Variants in ZNF304 observed in about 807,000 individuals in gnomAD.
The protein encoded by ZNF304 is zinc finger protein 304, also known as KRAB-containing zinc finger protein.
In ZNF304, 7 loss-of-function variants were observed where a neutral mutation model predicts 7.8. The ratio of observed to expected loss-of-function variants is 0.90; its 90% confidence interval spans 0.51 to 1.69. The LOEUF is 1.69. Ranked by LOEUF, ZNF304 falls within the 40% of genes most tolerant of loss-of-function variation. ZNF304 has a pLI of 0.00. For missense variants in ZNF304, 669 were observed against 804.8 expected (o/e 0.83, Z 2.04); for synonymous variants, 280 against 272.4 (o/e 1.03, Z -0.27).
chr19:57,357,574 A>G lies in ZNF304; in HGVS notation c.1705A>G (p.Ile569Val). 3.1e-6 allele frequency: 5 copies of G among 1,613,968 alleles called. No individual in the cohort carries two copies. The highest frequency in any genetic ancestry group is 1.3e-5 in the African/African-American group (1 of 74,950). Residue 569 changes from isoleucine (I) to valine (V), a missense_variant, in exon 3 of 3, where the codon ATT becomes GTT. Transcript: ENST00000282286. ...GTGCAGTGAATGTGGGAAGGCTTAC[A>G]TTAGTAGCTCCCACCTTGTTCAACA... is the stretch of plus-strand genomic sequence containing the variant. ...YVCSECGKAY[I>V]SSSHLVQHKK...
In ZNF304 at chr19:57,356,836, G is replaced by C; in HGVS notation, c.967G>C (p.Val323Leu). Residue 323 changes from valine (V) to leucine (L), a missense_variant, in exon 3 of 3, where the codon GTT becomes CTT. By Grantham distance (32) the Val-to-Leu change is conservative. Transcript: ENST00000282286. ...GGCCTTCAGCCGCAAGGACACACTT[G>C]TTCAGCATCAGAGAGTTCACACTGG... ...GKAFSRKDTL[V>L]QHQRVHTGER... 1 of 1,614,182 alleles carries C rather than the reference G, an allele frequency of 6.2e-7. No individual in the cohort carries two copies. Among genetic ancestry groups the C allele is most frequent in the East Asian group, 2.2e-5 (1 of 44,866 alleles).
At position 57,357,247 on chromosome 19, in the gene ZNF304, G is replaced by A. The variant is rs1291421592; in HGVS notation, c.1378G>A (p.Asp460Asn). 1 of 1,613,676 alleles carries A rather than the reference G, an allele frequency of 6.2e-7. No individual in the cohort carries two copies. Among genetic ancestry groups the A allele is most frequent in the Non-Finnish European group, 8.5e-7 (1 of 1,179,894 alleles). Reference sequence around the variant, plus strand: ...ATGTGGGAAGGCCTTTGGCTGCAAAGACACACTTGTTCAGCACCAGATAAT... The same window carrying A: ...ATGTGGGAAGGCCTTTGGCTGCAAAAACACACTTGTTCAGCACCAGATAAT... Reference protein sequence around the residue: ...SKCGKAFGCKDTLVQHQIIHT... With the variant: ...SKCGKAFGCKNTLVQHQIIHT... The change falls in exon 3 of 3, where the codon GAC becomes AAC. Residue 460 changes from aspartate (D) to asparagine (N), a missense_variant. Transcript: ENST00000282286.
At position 57,356,030 on chromosome 19, in the gene ZNF304, GT is replaced by G; in HGVS notation, c.166del (p.Trp56GlyfsTer16). ...LENFALVATL[G>X]FWCEAEHEAP... is the part of the protein sequence containing the mutation. ...TTCACCAGCTCTTTTTTGCTTTCAG[GT>G]TTTTGGTGTGAAGCAGAACATGAGG... On this transcript the variant is annotated frameshift_variant and splice_region_variant, in exon 3 of 3. Transcript: ENST00000282286. LOFTEE classifies it low-confidence loss of function (END_TRUNC). The G allele has an allele frequency of 1.3e-6, 2 of 1,589,278 alleles. No homozygotes were observed. Among genetic ancestry groups the G allele is most frequent in the Non-Finnish European group, 1.7e-6 (2 of 1,166,820 alleles).
chr19:57,356,087 G>C lies in ZNF304; in HGVS notation c.218G>C (p.Gly73Ala), dbSNP rs758157079. The C allele has an allele frequency of 1.6e-5, 26 of 1,614,074 alleles. No homozygotes were observed. Among genetic ancestry groups the C allele is most frequent in the Non-Finnish European group, 5.1e-6 (6 of 1,180,020 alleles). Residue 73 changes from glycine (G) to alanine (A), a missense_variant, in exon 3 of 3, where the codon GGA becomes GCA. By Grantham distance (60) the Gly-to-Ala change is moderately conservative. Coordinates refer to ENST00000282286, the MANE Select transcript of ZNF304 (RefSeq NM_020657.4). ...TCTGAGCAGAGCGTTTCTGTAGAAG[G>C]AGTGTCACAGGTCAGGACTGCTGAG... ...APSEQSVSVE[G>A]VSQVRTAESG... is the part of the protein sequence containing the mutation.
chr19:57,351,812 C>G lies in ZNF304; in HGVS notation c.33+115C>G. On this transcript the variant is annotated intron_variant, in intron 1 of 2. Transcript: ENST00000282286. The surrounding 1 kb of genome is among the most constrained non-coding windows in gnomAD (Gnocchi z 4.1). ...CGTCGCATTATGTGGAGGGGTTCCG[C>G]TCCCCTCATCAGTGGCATAAGGTGT... is the stretch of plus-strand genomic sequence containing the variant. The G allele has an allele frequency of 1.7e-6, 2 of 1,179,788 alleles. No homozygotes were observed. The highest frequency in any genetic ancestry group is 2.4e-6 in the Non-Finnish European group (2 of 835,914). The allele number at this position is 1,179,788 out of a possible 1,614,324, so 73.1% of individuals were successfully genotyped here.
chr19:57,351,563 A>T lies in ZNF304; in HGVS notation c.-102A>T. On this transcript the variant is annotated 5_prime_UTR_variant, in exon 1 of 3. Coordinates refer to ENST00000282286, the MANE Select transcript of ZNF304 (RefSeq NM_020657.4). The surrounding 1 kb of genome is among the most constrained non-coding windows in gnomAD (Gnocchi z 4.1). Reference sequence around the variant, plus strand: ...TTGTGAGCGTTTTTACACCGGGTAGATTGAGACTTGGAGTGCTACACTCAG... The same window carrying T: ...TTGTGAGCGTTTTTACACCGGGTAGTTTGAGACTTGGAGTGCTACACTCAG... The T allele has an allele frequency of 1.4e-6, 2 of 1,435,652 alleles. No individual in the cohort carries two copies. Among genetic ancestry groups the T allele is most frequent in the Non-Finnish European group, 1.9e-6 (2 of 1,028,198 alleles). The allele number at this position is 1,435,652 out of a possible 1,614,324, so 88.9% of individuals were successfully genotyped here. A position where few individuals can be genotyped will look rare whatever the true frequency, so the allele number is the denominator to read the frequency against.
intron 2 of ZNF304, chr19:57,355,325 G>A: frequency 1.3e-6 from 1 of 765,310 alleles, no homozygotes; most frequent in Non-Finnish European, 2.4e-6. Context: ...AGAAAACCTT[G>A]GGTGCCTGAC....
rs1002646671 is a variant in ZNF304, at chr19:57,351,605, G to T, written c.-60G>T. ...TACACTCAGCCCGAGGGCGTCCAGC[G>T]CGGTGGAGGCGTGGGGTTTCGGCTG... is the stretch of plus-strand genomic sequence containing the variant. On this transcript the variant is annotated 5_prime_UTR_variant, in exon 1 of 3. Coordinates refer to ENST00000282286, the MANE Select transcript of ZNF304 (RefSeq NM_020657.4). The surrounding 1 kb of genome is among the most constrained non-coding windows in gnomAD (Gnocchi z 4.1). 5.0e-6 allele frequency: 8 copies of T among 1,605,994 alleles called. No individual in the cohort carries two copies. Among genetic ancestry groups the T allele is most frequent in the South Asian group, 2.2e-5 (2 of 90,956 alleles).
Position 57,358,365 on chromosome 19 carries a change from A to G in ZNF304, c.*516A>G, listed in dbSNP as rs1468083109. 1 of 152,952 alleles carries G rather than the reference A, an allele frequency of 6.5e-6. No homozygotes were observed. Among genetic ancestry groups the G allele is most frequent in the Non-Finnish European group, 1.4e-5 (1 of 69,148 alleles). The allele number at this position is 152,952 out of a possible 1,614,324, so 9.5% of individuals were successfully genotyped here. ...CTAGGGTCTGCTGGGATTTCCTGAC[A>G]CGATTTTCCATCTTCATGGACAATG... On this transcript the variant is annotated 3_prime_UTR_variant, in exon 3 of 3. Coordinates refer to ENST00000282286, the MANE Select transcript of ZNF304 (RefSeq NM_020657.4).
chr19:57,356,373 G>T lies in ZNF304; in HGVS notation c.504G>T (p.Thr168=), dbSNP rs369435454. ...CTVHMLGRSF[T]CREEGMDLPD... is the part of the protein sequence containing the mutation. ...TCCACATGTTAGGGAGATCCTTTAC[G>T]TGCAGGGAGGAAGGGATGGACTTAC... Residue 168 remains threonine (T), a synonymous_variant, in exon 3 of 3, where the codon ACG becomes ACT. Transcript: ENST00000282286. 4 of 1,614,182 alleles carry T rather than the reference G, an allele frequency of 2.5e-6. No individual in the cohort carries two copies. The highest frequency in any genetic ancestry group is 2.2e-5 in the East Asian group (1 of 44,888).
rs912788383 is a variant in ZNF304 at position 57,358,051 on chromosome 19, G to A, written c.*202G>A. The A allele has an allele frequency of 1.8e-5, 11 of 622,500 alleles. No homozygotes were observed. In the South Asian group the frequency reaches 2.1e-4, roughly 12 times the overall value. 38.6% of individuals were successfully genotyped at this position (622,500 alleles called of 1,614,324 possible). On this transcript the variant is annotated 3_prime_UTR_variant, in exon 3 of 3. Coordinates refer to ENST00000282286, the MANE Select transcript of ZNF304 (RefSeq NM_020657.4). ...CCACATATGTGGGAGGCTTTCATGAGGTGTGTTGCACTTTGTAACTGTCTA... is the reference window on the plus strand; with the variant it reads ...CCACATATGTGGGAGGCTTTCATGAAGTGTGTTGCACTTTGTAACTGTCTA...
At chr19:57,355,902 TG>T in intron 2 of ZNF304, 127 bp from the exon 3 acceptor site, 1 of 1,076,318 alleles carries the variant, frequency 9.3e-7, no homozygotes, top group East Asian at 2.4e-5. Flanking sequence ...TTCTTTACAC[TG>T]ATCCTGGCCC....
chr19:57,356,385 A>G lies in ZNF304; in HGVS notation c.516A>G (p.Glu172=), dbSNP rs1181372898. ...GGAGATCCTTTACGTGCAGGGAGGA[A>G]GGGATGGACTTACCAGATAGCTCTG... ...MLGRSFTCRE[E]GMDLPDSSGL... Residue 172 remains glutamate, a synonymous_variant, in exon 3 of 3, where the codon GAA becomes GAG. Coordinates refer to ENST00000282286, the MANE Select transcript of ZNF304 (RefSeq NM_020657.4). 1 of 1,614,086 alleles carries G rather than the reference A, an allele frequency of 6.2e-7. No individual in the cohort carries two copies. Among genetic ancestry groups the G allele is most frequent in the Non-Finnish European group, 8.5e-7 (1 of 1,180,040 alleles).
intron 1 of ZNF304, among the ~76,000 whole-genome samples, 163 bp from the exon 2 acceptor site, chr19:57,353,559 TGAG>T (rs920586431): frequency 6.6e-6 from 1 of 152,144 alleles, no homozygotes; most frequent in African/African-American, 2.4e-5. Context: ...GAGAGGGACA[TGAG>T]GAGAGAGCAG....
rs777417590 is a variant in ZNF304, at chr19:57,356,088, A to G, written c.219A>G (p.Gly73=). The G allele has an allele frequency of 1.6e-5, 26 of 1,614,074 alleles. No homozygotes were observed. In the East Asian group the frequency reaches 5.3e-4, roughly 33 times the overall value. The part of the protein sequence containing the change: ...APSEQSVSVE[G]VSQVRTAESG... Reference sequence around the variant, plus strand: ...CTGAGCAGAGCGTTTCTGTAGAAGGAGTGTCACAGGTCAGGACTGCTGAGT... The same window carrying G: ...CTGAGCAGAGCGTTTCTGTAGAAGGGGTGTCACAGGTCAGGACTGCTGAGT... Residue 73 remains glycine, a synonymous_variant, in exon 3 of 3, where the codon GGA becomes GGG. Transcript: ENST00000282286.
chr19:57,358,058 T>G lies in ZNF304; in HGVS notation c.*209T>G, dbSNP rs2088371990. 3 of 604,844 alleles carry G rather than the reference T, an allele frequency of 5.0e-6. No individual in the cohort carries two copies. The highest frequency in any genetic ancestry group is 8.4e-6 in the Non-Finnish European group (3 of 356,560). 37.5% of individuals were successfully genotyped at this position (604,844 alleles called of 1,614,324 possible). A position where few individuals can be genotyped will look rare whatever the true frequency, so the allele number is the denominator to read the frequency against. ...TGTGGGAGGCTTTCATGAGGTGTGT[T>G]GCACTTTGTAACTGTCTAGAGCTCT... On this transcript the variant is annotated 3_prime_UTR_variant, in exon 3 of 3. Transcript: ENST00000282286.
chr19:57,351,739 T>A lies in ZNF304; in HGVS notation c.33+42T>A. ...CTCAAGCGCACCCCGGCCTGGTTGG[T>A]GTGTCCTGGGATGTTCGCTCTCATC... On this transcript the variant is annotated intron_variant, in intron 1 of 2. Transcript: ENST00000282286. This position sits in a 1 kb window ranked among gnomAD's most constrained non-coding sequence, Gnocchi z 4.1. 6.3e-7 allele frequency: 1 copy of A among 1,598,706 alleles called. No homozygotes were observed. The highest frequency in any genetic ancestry group is 8.5e-7 in the Non-Finnish European group (1 of 1,171,840).
intron 2 of ZNF304, among the ~76,000 whole-genome samples, chr19:57,354,363 C>T (rs2088311174): frequency 6.6e-6 from 1 of 152,186 alleles, no homozygotes. Context: ...ATCAAGCTCT[C>T]AGCCAGTGTT....
chr19:57,355,416 C>A (rs573382942), intron 2 of ZNF304: 260 of 761,472 alleles, frequency 3.4e-4, no homozygotes, highest in Non-Finnish European at 5.6e-4. Context: ...AAGAGGGTAT[C>A]TGTTATGGTT....
Sources: allele counts gnomAD v4.1 joint callset (sites outside exome capture counted in the v4.1 genomes callset), GRCh38; gene constraint gnomAD v4.1.1; non-coding constraint Gnocchi (gnomAD v3.1); transcripts MANE v1.5; gene names NCBI Gene and HGNC (gene_info 2026-07-23, HGNC 2026-07-21).